BRCA1: variants seen among roughly 807,000 people sequenced by gnomAD.
BRCA1 encodes breast cancer type 1 susceptibility protein.
A neutral mutation model predicts 173.7 loss-of-function variants in BRCA1; 140 were observed. That is an observed-to-expected ratio of 0.81 (90% confidence interval 0.70 to 0.93). The LOEUF (loss-of-function observed/expected upper bound fraction) is 0.93, where lower values mean the gene tolerates loss of function less well. Among genes scored for constraint, BRCA1 ranks in the 40% least tolerant of loss-of-function variants. BRCA1 has a pLI of 0.00. For synonymous variants in BRCA1, 662 were observed against 756.0 expected (o/e 0.88, Z 2.04); for missense variants, 1,983 against 2,172.5 (o/e 0.91, Z 1.73).
intron 1 of BRCA1, chr17:43,125,063 T>C: frequency 2.3e-6 from 1 of 429,330 alleles, no homozygotes; most frequent in African/African-American, 2.1e-5. Context: ...CCACGGACAC[T>C]CAGTGCCCCC....
chr17:43,083,068 T>C (rs548683050), intron 11 of BRCA1, among the ~76,000 whole-genome samples: 2 of 152,272 alleles, frequency 1.3e-5, no homozygotes, highest in East Asian at 3.9e-4. Flanking sequence ...TTTATAAAAA[T>C]ACAACAAATA....
At position 43,115,790 on chromosome 17, in the gene BRCA1, A is replaced by AG. The variant is rs273902789; in HGVS notation, c.81-12dup. ...TTGATCAACTCCAGACTAGCAGGGT[A>AG]GGGGGGGAGAAAAAGAAAATAAATG... On this transcript the variant is annotated splice_polypyrimidine_tract_variant and intron_variant, in intron 2 of 22. Coordinates refer to ENST00000357654, the MANE Select transcript of BRCA1 (RefSeq NM_007294.4). The AG allele has an allele frequency of 1.8e-5, 29 of 1,610,606 alleles. No homozygotes were observed. The highest frequency in any genetic ancestry group is 5.3e-5 in the African/African-American group (4 of 74,786).
At chr17:43,119,942 G>A (rs2055471794) in intron 2 of BRCA1, among the ~76,000 whole-genome samples, 1 of 152,028 alleles carries the variant, frequency 6.6e-6, no homozygotes, top group Non-Finnish European at 1.5e-5. Context: ...CTGTGAAAAG[G>A]GAAAAGAAAA....
chr17:43,150,825 C>G (rs750780725), intron 1 of BRCA1, among the ~76,000 whole-genome samples: 4 of 152,062 alleles, frequency 2.6e-5, no homozygotes, highest in Non-Finnish European at 5.9e-5. Flanking sequence ...TCAGGGTGAC[C>G]AAGTTCTCCT....
chr17:43,102,375 T>TTTTTTTTG (rs2054517889), intron 6 of BRCA1, among the ~76,000 whole-genome samples: 8 of 145,990 alleles, frequency 5.5e-5, no homozygotes, highest in Non-Finnish European at 1.2e-4. Context: ...TTTTTTTTTT[T>TTTTTTTTG]GAGACGGAGT....
In BRCA1 at chr17:43,047,654, T is replaced by C. The variant is rs80357286; in HGVS notation, c.5456A>G (p.Asn1819Ser). ...VVQPDAWTED[N>S]GFHAIGQMCE... is the part of the protein sequence containing the mutation. ...TGCAGGCACCTTACCATGGAAGCCA[T>C]TGTCCTCTGTCCAGGCATCTGGCTG... Residue 1819 changes from asparagine to serine, a missense_variant, in exon 22 of 23, where the codon AAT becomes AGT. By Grantham distance (46) the Asn-to-Ser change is conservative. Coordinates refer to ENST00000357654, the MANE Select transcript of BRCA1 (RefSeq NM_007294.4). 6.6e-5 allele frequency: 106 copies of C among 1,614,076 alleles called. No homozygotes were observed. The highest frequency in any genetic ancestry group is 1.8e-4 in the East Asian group (8 of 44,898).
chr17:43,118,358 G>GC (rs1429483937), intron 2 of BRCA1, among the ~76,000 whole-genome samples: 1 of 152,034 alleles, frequency 6.6e-6, no homozygotes, highest in Non-Finnish European at 1.5e-5. Context: ...TAAATCTTTA[G>GC]CTTTATTCTG....
chr17:43,145,154 A>G (rs2056111363), intron 1 of BRCA1: 43 of 708,116 alleles, frequency 6.1e-5, no homozygotes, highest in South Asian at 5.9e-4. Context: ...GAAGTGGCTA[A>G]CCAAAAAACT....
intron 12 of BRCA1, chr17:43,079,259 C>A: frequency 8.8e-7 from 1 of 1,133,244 alleles, no homozygotes; most frequent in Non-Finnish European, 1.3e-6. Context: ...AAAAGTCATT[C>A]CTCCTTTTGG....
upstream of BRCA1, among the ~76,000 whole-genome samples, chr17:43,126,551 T>G (rs2055880986): frequency 1.3e-5 from 2 of 152,084 alleles, no homozygotes; most frequent in Non-Finnish European, 2.9e-5. Context: ...AGGGGCGACT[T>G]TTTCCGTGTC....
At chr17:43,108,706 CAAAA>C (rs35561635) in intron 3 of BRCA1, among the ~76,000 whole-genome samples, 1 of 16,088 alleles carries the variant, frequency 6.2e-5, no homozygotes, top group Admixed American at 8.8e-4. Context: ...GACTCTGTCT[CAAAA>C]AAAAAAAAAA....
At position 43,045,686 on chromosome 17, in the gene BRCA1, G is replaced by A. The variant is rs761585448; in HGVS notation, c.5584C>T (p.His1862Tyr). The change falls in exon 23 of 23, where the codon CAC becomes TAC. Residue 1862 changes from histidine (H) to tyrosine (Y), a missense_variant. Transcript: ENST00000357654. ...TYLIPQIPHS[H>Y]Y Reference sequence around the variant, plus strand: ...CCTGTGGCTGGCTGCAGTCAGTAGTGGCTGTGGGGGATCTGGGGTATCAGG... The same window carrying A: ...CCTGTGGCTGGCTGCAGTCAGTAGTAGCTGTGGGGGATCTGGGGTATCAGG... 6.2e-7 allele frequency: 1 copy of A among 1,613,752 alleles called. No individual in the cohort carries two copies. Among genetic ancestry groups the A allele is most frequent in the South Asian group, 1.1e-5 (1 of 91,044 alleles).
chr17:43,118,964 C>T (rs968864126), intron 2 of BRCA1, among the ~76,000 whole-genome samples: 2 of 152,014 alleles, frequency 1.3e-5, no homozygotes, highest in African/African-American at 4.8e-5. Flanking sequence ...AGGGGTTTCA[C>T]CATATTGCCC....
chr17:43,100,678 A>ATATATATATATATAT (rs1491277616), intron 6 of BRCA1, among the ~76,000 whole-genome samples: 2 of 36,280 alleles, frequency 5.5e-5, no homozygotes, highest in African/African-American at 1.2e-4. Context: ...ATATATATAT[A>ATATATATATATATAT]ATATATATAT....
Position 43,094,290 on chromosome 17 carries a change from T to A in BRCA1, c.1241A>T (p.Asp414Val). 5 of 1,614,184 alleles carry A rather than the reference T, an allele frequency of 3.1e-6. No homozygotes were observed. Among genetic ancestry groups the A allele is most frequent in the Non-Finnish European group, 4.2e-6 (5 of 1,180,036 alleles). Residue 414 changes from aspartate to valine, a missense_variant, in exon 10 of 23, where the codon GAC (aspartate) becomes GTC (valine). Coordinates refer to ENST00000357654, the MANE Select transcript of BRCA1 (RefSeq NM_007294.4). ...ESNAKVADVLDVLNEVDEYSG... is the reference protein window; with the variant it reads ...ESNAKVADVLVVLNEVDEYSG... ...ATATTCATCTACCTCATTTAGAACG[T>A]CCAATACATCAGCTACTTTGGCATT...
intron 6 of BRCA1, among the ~76,000 whole-genome samples, chr17:43,100,683 ATAT>A: frequency 1.4e-5 from 1 of 72,218 alleles, no homozygotes; most frequent in African/African-American, 1.7e-4. Context: ...TATATAATAT[ATAT>A]ATATATATAT....
chr17:43,115,866 A>C (rs1311170598), intron 2 of BRCA1, 87 bp from the exon 3 acceptor site: 3 of 1,384,524 alleles, frequency 2.2e-6, no homozygotes, highest in Non-Finnish European at 3.0e-6. Context: ...AATAAGTTCA[A>C]CTTTGAGCTG....
At chr17:43,085,737 C>G (rs1309398258) in intron 11 of BRCA1, among the ~76,000 whole-genome samples, 1 of 152,074 alleles carries the variant, frequency 6.6e-6, no homozygotes, top group Non-Finnish European at 1.5e-5. Context: ...CAGAATGTGG[C>G]TAATTCTAAT....
At chr17:43,097,518 C>T (rs536106876) in intron 7 of BRCA1, among the ~76,000 whole-genome samples, 2 of 151,978 alleles carry the variant, frequency 1.3e-5, no homozygotes, top group South Asian at 4.2e-4. Flanking sequence ...TTGAGGAGGC[C>T]GAGATGGGTG....
Sources: allele counts gnomAD v4.1 joint callset (sites outside exome capture counted in the v4.1 genomes callset), GRCh38; gene constraint gnomAD v4.1.1; transcripts MANE v1.5; gene names NCBI Gene and HGNC (gene_info 2026-07-23, HGNC 2026-07-21).